The following SEMA3C variants were observed in gnomAD, a reference collection of about 807,000 sequenced individuals.
The protein encoded by SEMA3C is semaphorin 3C.
SEMA3C carries 47 observed loss-of-function variants against 89.4 expected under a neutral mutation model. That is an observed-to-expected ratio of 0.53 (90% confidence interval 0.42 to 0.67). SEMA3C has a LOEUF of 0.67. SEMA3C is among the 30% of genes least tolerant of loss of function. SEMA3C has a pLI of 0.00. For missense variants in SEMA3C, 839 were observed against 929.1 expected (o/e 0.90, Z 1.26); for synonymous variants, 310 against 320.2 (o/e 0.97, Z 0.34).
chr7:80,814,572 A>T (rs548907609), intron 5 of SEMA3C, among the ~76,000 whole-genome samples: 19 of 152,142 alleles, frequency 1.2e-4, no homozygotes, highest in African/African-American at 4.3e-4. Flanking sequence ...TCACACGTGT[A>T]TATACTCAGT....
upstream of SEMA3C, chr7:80,919,387 G>C (rs1792364549): frequency 2.0e-6 from 2 of 985,186 alleles, no homozygotes; most frequent in Non-Finnish European, 2.4e-6. Context: ...TGCGCTCCAC[G>C]GTTTTTGTTG....
At chr7:80,825,781 A>T (rs1479797001) in intron 4 of SEMA3C, among the ~76,000 whole-genome samples, 2 of 152,198 alleles carry the variant, frequency 1.3e-5, no homozygotes, top group Non-Finnish European at 2.9e-5. Context: ...TCAATGGGAA[A>T]AAAATCTCAT....
chr7:80,767,687 C>T (rs1435458667), intron 12 of SEMA3C, among the ~76,000 whole-genome samples: 1 of 152,088 alleles, frequency 6.6e-6, no homozygotes, highest in African/African-American at 2.4e-5. Context: ...TTATCATCAA[C>T]ATAATGCACA....
intron 2 of SEMA3C, among the ~76,000 whole-genome samples, chr7:80,886,581 T>G (rs1315357925): frequency 6.6e-6 from 1 of 152,140 alleles, no homozygotes; most frequent in Non-Finnish European, 1.5e-5. Context: ...CTCGAACTAC[T>G]GACCTCATGA....
chr7:80,877,205 G>C (rs1475036079), intron 2 of SEMA3C, among the ~76,000 whole-genome samples: 2 of 152,126 alleles, frequency 1.3e-5, no homozygotes, highest in Admixed American at 6.5e-5. Flanking sequence ...TGATAATATA[G>C]AATTACAAAA....
In SEMA3C at chr7:80,828,618, C is replaced by T. The variant is rs148660998; in HGVS notation, c.231G>A (p.Leu77=). The T allele has an allele frequency of 6.2e-7, 1 of 1,609,428 alleles. No individual in the cohort carries two copies. The highest frequency in any genetic ancestry group is 1.3e-5 in the African/African-American group (1 of 74,772). The change falls in exon 3 of 18, where the codon CTG becomes CTA. Residue 77 remains leucine (L), a synonymous_variant. Coordinates refer to ENST00000265361, the MANE Select transcript of SEMA3C (RefSeq NM_006379.5). The part of the protein sequence containing the change: ...YVGSKDHILS[L]NINNISQEAL... Reference sequence around the variant, plus strand: ...CTTCTTGACTTATATTGTTAATATTCAGGGAAAGAATGTGATCTTTGCTTC... The same window carrying T: ...CTTCTTGACTTATATTGTTAATATTTAGGGAAAGAATGTGATCTTTGCTTC...
intron 12 of SEMA3C, among the ~76,000 whole-genome samples, chr7:80,787,661 G>A (rs1253634756): frequency 6.6e-6 from 1 of 152,216 alleles, no homozygotes; most frequent in Non-Finnish European, 1.5e-5. Flanking sequence ...ATACAGCAGA[G>A]GTGGCAGTGG....
chr7:80,771,744 T>C (rs939129379), intron 12 of SEMA3C, among the ~76,000 whole-genome samples: 2 of 152,126 alleles, frequency 1.3e-5, no homozygotes, highest in African/African-American at 4.8e-5. Context: ...CCTGCGCTTC[T>C]GAGGGATTTG....
chr7:80,899,994 G>A lies in SEMA3C; in HGVS notation c.103+16685C>T, dbSNP rs139043381. ...CAGGTGCAGTTTTGTTACATGGACAGACTGCAAAGTGGTGAAGTCTGGGAT... is the reference window on the plus strand; with the variant it reads ...CAGGTGCAGTTTTGTTACATGGACAAACTGCAAAGTGGTGAAGTCTGGGAT... On this transcript the variant is annotated intron_variant, in intron 2 of 17. Transcript: ENST00000265361. Among the ~76,000 whole-genome samples the A allele has an allele frequency of 2.4e-4, 36 of 152,278 alleles. No homozygotes were observed. In the East Asian group the frequency reaches 6.4e-3, roughly 27 times the overall value.
intron 2 of SEMA3C, among the ~76,000 whole-genome samples, chr7:80,879,006 G>A (rs1379033662): frequency 6.6e-6 from 1 of 152,142 alleles, no homozygotes; most frequent in African/African-American, 2.4e-5. Flanking sequence ...CGGATAAGGG[G>A]TGAAAGTATT....
At chr7:80,872,967 G>A (rs899960925) in intron 2 of SEMA3C, among the ~76,000 whole-genome samples, 1 of 148,610 alleles carries the variant, frequency 6.7e-6, no homozygotes, top group Non-Finnish European at 1.5e-5. Flanking sequence ...TACTTTTGTT[G>A]TGAAACTAGT....
intron 2 of SEMA3C, among the ~76,000 whole-genome samples, chr7:80,890,954 G>A (rs2116148361): frequency 6.6e-6 from 1 of 152,206 alleles, no homozygotes; most frequent in Admixed American, 6.5e-5. Flanking sequence ...GTACTAATAA[G>A]ATTTAATGAA....
intron 9 of SEMA3C, among the ~76,000 whole-genome samples, 172 bp from the exon 10 acceptor site, chr7:80,800,998 A>T (rs544878713): frequency 1.7e-4 from 26 of 152,212 alleles, no homozygotes; most frequent in African/African-American, 6.3e-4. Flanking sequence ...ATTAAATTAA[A>T]TTAATACAGA....
chr7:80,816,064 G>C (rs1232920863), intron 5 of SEMA3C: 1 of 151,904 alleles, frequency 6.6e-6, no homozygotes, highest in East Asian at 1.9e-4. Context: ...AAGAACCGTG[G>C]TTAGGTCTTC....
intron 12 of SEMA3C, among the ~76,000 whole-genome samples, chr7:80,771,090 G>T (rs1204512605): frequency 6.6e-6 from 1 of 152,214 alleles, no homozygotes; most frequent in Non-Finnish European, 1.5e-5. Context: ...ACTTTCAGTT[G>T]AAAGAGCTCT....
chr7:80,833,934 T>C (rs1009339448), intron 2 of SEMA3C, among the ~76,000 whole-genome samples: 1 of 152,178 alleles, frequency 6.6e-6, no homozygotes, highest in African/African-American at 2.4e-5. Context: ...GATGTAATGA[T>C]TTGGCTACAG....
chr7:80,818,001 T>C (rs1429819083), intron 5 of SEMA3C, among the ~76,000 whole-genome samples: 2 of 151,934 alleles, frequency 1.3e-5, no homozygotes, highest in African/African-American at 2.4e-5. Flanking sequence ...AAAATAGATA[T>C]ACTAAAAATA....
At chr7:80,750,456 AT>A (rs2117030887) in intron 16 of SEMA3C, among the ~76,000 whole-genome samples, 1 of 64,650 alleles carries the variant, frequency 1.5e-5, no homozygotes, top group African/African-American at 5.6e-5. Flanking sequence ...ATATATATAT[AT>A]ATATATATAT....
intron 2 of SEMA3C, among the ~76,000 whole-genome samples, chr7:80,834,887 T>C (rs1790090218): frequency 6.6e-6 from 1 of 152,202 alleles, no homozygotes; most frequent in Admixed American, 6.5e-5. Context: ...TGTAAATAGT[T>C]GTTATACTGT....
Sources: allele counts gnomAD v4.1 joint callset (sites outside exome capture counted in the v4.1 genomes callset), GRCh38; gene constraint gnomAD v4.1.1; transcripts MANE v1.5; gene names NCBI Gene and HGNC (gene_info 2026-07-23, HGNC 2026-07-21).